Variants in LIMCH1 observed in about 807,000 individuals in gnomAD.
LIMCH1 encodes LIM and calponin homology domains 1.
LIMCH1 carries 113 observed loss-of-function variants against 176.5 expected under a neutral mutation model. The observed-to-expected ratio is 0.64, with a 90% confidence interval of 0.55 to 0.75. The LOEUF (loss-of-function observed/expected upper bound fraction) is 0.75, where lower values mean the gene tolerates loss of function less well. Among genes scored for constraint, LIMCH1 ranks in the 30% least tolerant of loss-of-function variants. The pLI is 0.00. For missense variants in LIMCH1, 1,674 were observed against 1,814.9 expected (o/e 0.92, Z 1.41); for synonymous variants, 619 against 645.9 (o/e 0.96, Z 0.63).
intron 3 of LIMCH1, among the ~76,000 whole-genome samples, chr4:41,529,749 T>G (rs747120096): frequency 9.9e-5 from 15 of 152,176 alleles, no homozygotes; most frequent in Non-Finnish European, 2.2e-4. Flanking sequence ...TTTTTTAAGT[T>G]CATCTCTTTT....
intron 1 of LIMCH1, among the ~76,000 whole-genome samples, chr4:41,590,260 T>A (rs982335067): frequency 6.6e-6 from 1 of 152,070 alleles, no homozygotes; most frequent in Admixed American, 6.6e-5. Flanking sequence ...CCCATCTAAT[T>A]TTTTTATTTT....
At chr4:41,522,674 C>T (rs2076239446) in intron 2 of LIMCH1, among the ~76,000 whole-genome samples, 1 of 152,104 alleles carries the variant, frequency 6.6e-6, no homozygotes, top group African/African-American at 2.4e-5. Flanking sequence ...GGGATATTTA[C>T]ACCACCTGAG....
At chr4:41,592,990 T>C (rs563377049) in intron 1 of LIMCH1, among the ~76,000 whole-genome samples, 1 of 152,364 alleles carries the variant, frequency 6.6e-6, no homozygotes, top group East Asian at 1.9e-4. Context: ...GCACATTGAA[T>C]TGAGTTTATT....
intron 1 of LIMCH1, among the ~76,000 whole-genome samples, chr4:41,440,832 C>T (rs760970423): frequency 2.4e-4 from 37 of 152,132 alleles, no homozygotes; most frequent in Non-Finnish European, 4.9e-4. Context: ...CCGCACCTGG[C>T]CCATAGTCTA....
chr4:41,402,369 C>T (rs368385454), intron 1 of LIMCH1, among the ~76,000 whole-genome samples: 13,383 of 148,554 alleles, frequency 0.09, 439 homozygotes, highest in African/African-American at 0.14. Flanking sequence ...CACTTTTACA[C>T]GGTTGGTGGG....
chr4:41,513,062 G>A (rs2075123377), intron 2 of LIMCH1, among the ~76,000 whole-genome samples: 1 of 151,988 alleles, frequency 6.6e-6, no homozygotes, highest in African/African-American at 2.4e-5. Flanking sequence ...TCATATTTTA[G>A]AACATCATTG....
intron 31 of LIMCH1, among the ~76,000 whole-genome samples, chr4:41,694,138 A>G (rs1728581208): frequency 6.6e-6 from 1 of 152,172 alleles, no homozygotes. Context: ...GTAGGCCACA[A>G]AAATGATTTT....
Position 41,650,825 on chromosome 4 carries a change from G to C in LIMCH1, c.3036+217G>C, listed in dbSNP as rs1042418515. 1.8e-4 allele frequency among the ~76,000 whole-genome samples: 28 copies of C among 152,128 alleles called. 1 individual carries two copies. Among genetic ancestry groups the C allele is most frequent in the African/African-American group, 6.3e-4 (26 of 41,506 alleles). On this transcript the variant is annotated intron_variant, in intron 18 of 31. Transcript: ENST00000503057. The stretch of plus-strand genomic sequence containing the variant: ...AAGTCCAAAACCAAGGTGTTGGCAG[G>C]GTTGGCTCCCTCCATTGGTCATGAG...
chr4:41,398,847 T>C (rs1191042803), intron 1 of LIMCH1, among the ~76,000 whole-genome samples: 3 of 152,146 alleles, frequency 2.0e-5, no homozygotes, highest in Non-Finnish European at 4.4e-5. Context: ...GACTTAAAAA[T>C]ACCCATCTCG....
At chr4:41,492,268 G>A (rs1167813431) in intron 1 of LIMCH1, among the ~76,000 whole-genome samples, 1 of 152,196 alleles carries the variant, frequency 6.6e-6, no homozygotes, top group African/African-American at 2.4e-5. Context: ...AGGAGTGGCG[G>A]TGTGTGCCTG....
rs1732032533 is a variant in LIMCH1 at position 41,698,935 on chromosome 4, T to G, written c.*1750T>G. On this transcript the variant is annotated 3_prime_UTR_variant, in exon 32 of 32. Transcript: ENST00000503057. ...AGAGAGATGAAGTCACTTCCAAGTT[T>G]CCAAGACTTCTCATGGAGGTGTTTG... The G allele has an allele frequency of 6.6e-6, 1 of 152,424 alleles. No individual in the cohort carries two copies. The allele number at this position is 152,424 out of a possible 1,614,324, so 9.4% of individuals were successfully genotyped here. A position where few individuals can be genotyped will look rare whatever the true frequency, so the allele number is the denominator to read the frequency against.
intron 1 of LIMCH1, among the ~76,000 whole-genome samples, chr4:41,476,939 G>A (rs1469685524): frequency 2.0e-5 from 3 of 152,174 alleles, no homozygotes; most frequent in Non-Finnish European, 4.4e-5. Context: ...GGATTTGGGG[G>A]TTTATTTTCT....
chr4:41,634,917 C>T (rs1485359783), intron 13 of LIMCH1, among the ~76,000 whole-genome samples: 1 of 152,168 alleles, frequency 6.6e-6, no homozygotes, highest in Non-Finnish European at 1.5e-5. Flanking sequence ...TCCAGATGCC[C>T]TGGACTTGAC....
chr4:41,496,742 G>A (rs181249832), intron 2 of LIMCH1, among the ~76,000 whole-genome samples: 1 of 152,306 alleles, frequency 6.6e-6, no homozygotes, highest in East Asian at 1.9e-4. Context: ...CAAAAAGGGG[G>A]ACTTGCTCTG....
Position 41,414,217 on chromosome 4 carries a change from C to T in LIMCH1, c.96+53281C>T, listed in dbSNP as rs961333935. On this transcript the variant is annotated intron_variant, in intron 1 of 26. Transcript: ENST00000313860. The stretch of plus-strand genomic sequence containing the variant: ...TGAATAGTATGAAAACCACTGATCA[C>T]TGACAGATCCCTCTTCTGTTTTCTT... Among the ~76,000 whole-genome samples, 4 of 152,218 alleles carry T rather than the reference C, an allele frequency of 2.6e-5. No homozygotes were observed. The South Asian group carries it at 6.2e-4, about 24-fold the overall frequency.
intron 22 of LIMCH1, among the ~76,000 whole-genome samples, chr4:41,672,582 A>G (rs574542498): frequency 6.6e-6 from 1 of 152,276 alleles, no homozygotes; most frequent in African/African-American, 2.4e-5. Flanking sequence ...TTTGACCAAT[A>G]ATAACTGTAA....
intron 1 of LIMCH1, among the ~76,000 whole-genome samples, chr4:41,487,204 C>T (rs758801269): frequency 2.6e-5 from 4 of 152,062 alleles, no homozygotes; most frequent in Non-Finnish European, 4.4e-5. Flanking sequence ...GATGCTGCTG[C>T]TACTGGTCTA....
At chr4:41,661,277 C>T (rs2152977974) in intron 18 of LIMCH1, 143 bp from the exon 19 acceptor site, 3 of 642,674 alleles carry the variant, frequency 4.7e-6, no homozygotes, top group Non-Finnish European at 8.3e-6. Context: ...TCCAGGCTCT[C>T]GCCATGAAGC....
At chr4:41,542,374 T>C (rs577815361) in intron 1 of LIMCH1, among the ~76,000 whole-genome samples, 2 of 152,018 alleles carry the variant, frequency 1.3e-5, no homozygotes, top group Admixed American at 6.5e-5. Flanking sequence ...TCTTTTTTTT[T>C]TTCCTGATGG....
Sources: gnomAD v4.1 joint callset for allele counts (sites outside exome capture counted in the v4.1 genomes callset) on GRCh38, gnomAD v4.1.1 for gene constraint, MANE v1.5 for transcripts, NCBI Gene and HGNC (gene_info 2026-07-23, HGNC 2026-07-21) for gene names.